ROBO1: variants seen among roughly 807,000 people sequenced by gnomAD.
The protein encoded by ROBO1 is roundabout guidance receptor 1, also known as roundabout homolog 1.
In ROBO1, 149 loss-of-function variants were observed where a neutral mutation model predicts 195.9. The ratio of observed to expected loss-of-function variants is 0.76; its 90% CI spans 0.67 to 0.87. The LOEUF is 0.87. Among genes scored for constraint, ROBO1 ranks in the 40% least tolerant of loss-of-function variants. The probability of loss-of-function intolerance (pLI) is 0.00; values close to 1 mark genes in which losing one functional copy is unlikely to be tolerated. For missense variants in ROBO1, 1,933 were observed against 2,068.3 expected, an observed-to-expected ratio of 0.93 and a Z score of 1.27; for synonymous variants, 816 against 733.2, an observed-to-expected ratio of 1.11 and a Z score of -1.82.
chr3:78,598,835 TG>T lies in ROBO1; in HGVS notation c.*77del. On this transcript the variant is annotated 3_prime_UTR_variant, in exon 31 of 31. Transcript: ENST00000464233. ...CTCTGATTGCACTGAACATTTTATC[TG>T]GCGTCATGTGTCATCTGACAGGAGG... The T allele has an allele frequency of 1.1e-6, 1 of 882,310 alleles. No individual in the cohort carries two copies. Among genetic ancestry groups the T allele is most frequent in the Non-Finnish European group, 1.8e-6 (1 of 567,360 alleles). 54.7% of individuals were successfully genotyped at this position (882,310 alleles called of 1,614,324 possible).
intron 2 of ROBO1, among the ~76,000 whole-genome samples, chr3:79,504,457 C>A (rs375935557): frequency 6.6e-6 from 1 of 152,148 alleles, no homozygotes; most frequent in East Asian, 1.9e-4. Flanking sequence ...AAGGTAGAAT[C>A]TTAAGCCAAA....
At chr3:79,608,680 T>C (rs546237371) in intron 1 of ROBO1, among the ~76,000 whole-genome samples, 2 of 151,932 alleles carry the variant, frequency 1.3e-5, no homozygotes, top group East Asian at 1.9e-4. Flanking sequence ...TTTGGCATCA[T>C]GTAAATAGGG....
chr3:79,137,814 C>G (rs2080441269), intron 2 of ROBO1, among the ~76,000 whole-genome samples: 1 of 152,170 alleles, frequency 6.6e-6, no homozygotes, highest in South Asian at 2.1e-4. Flanking sequence ...CAATCTAACT[C>G]TGGGAACTAG....
At chr3:79,464,227 A>G (rs1937820589) in intron 2 of ROBO1, among the ~76,000 whole-genome samples, 1 of 152,340 alleles carries the variant, frequency 6.6e-6, no homozygotes, top group Non-Finnish European at 1.5e-5. Context: ...TGTTATAAAC[A>G]TCTGTGTAAA....
intron 3 of ROBO1, among the ~76,000 whole-genome samples, chr3:78,963,347 AAAG>A (rs1188581566): frequency 6.6e-6 from 1 of 151,916 alleles, no homozygotes; most frequent in Non-Finnish European, 1.5e-5. Context: ...CTCTCTTCAC[AAAG>A]AAGATGATGC....
intron 15 of ROBO1, among the ~76,000 whole-genome samples, chr3:78,661,616 G>T (rs952090109): frequency 1.2e-4 from 18 of 152,152 alleles, no homozygotes; most frequent in Admixed American, 1.2e-3. Flanking sequence ...ACATCCCTGG[G>T]TCAAGGGGAT....
intron 1 of ROBO1, among the ~76,000 whole-genome samples, chr3:79,682,364 G>A (rs1946975266): frequency 6.7e-6 from 1 of 149,956 alleles, no homozygotes; most frequent in South Asian, 2.1e-4. Context: ...TTCCAAAAAA[G>A]CAAAGGAATT....
At chr3:79,151,883 A>G (rs1317518756) in intron 2 of ROBO1, among the ~76,000 whole-genome samples, 4 of 151,874 alleles carry the variant, frequency 2.6e-5, no homozygotes, top group Non-Finnish European at 2.9e-5. Context: ...AAATGTCACT[A>G]TACCACAAAG....
chr3:78,951,331 T>A (rs867520571), intron 3 of ROBO1, among the ~76,000 whole-genome samples: 2 of 151,986 alleles, frequency 1.3e-5, no homozygotes, highest in African/African-American at 4.8e-5. Flanking sequence ...ATAAAAAGCT[T>A]TCTCTCTTCA....
chr3:78,674,868 C>A (rs892318726), intron 10 of ROBO1, among the ~76,000 whole-genome samples: 3 of 151,898 alleles, frequency 2.0e-5, no homozygotes, highest in African/African-American at 7.3e-5. Flanking sequence ...TACAAAGTTG[C>A]AATTATTAAT....
chr3:79,696,108 T>C (rs1947440654), intron 1 of ROBO1, among the ~76,000 whole-genome samples: 1 of 151,440 alleles, frequency 6.6e-6, no homozygotes, highest in Non-Finnish European at 1.5e-5. Context: ...AGTATATTTA[T>C]GTTTGTGGGA....
intron 5 of ROBO1, among the ~76,000 whole-genome samples, chr3:78,722,340 T>C (rs1389710783): frequency 6.6e-6 from 1 of 152,150 alleles, no homozygotes; most frequent in Non-Finnish European, 1.5e-5. Context: ...GGAGTTTGTT[T>C]ACTCTGTCAA....
At chr3:79,607,104 C>CACACAA (rs1177943137) in intron 1 of ROBO1, among the ~76,000 whole-genome samples, 1 of 149,368 alleles carries the variant, frequency 6.7e-6, no homozygotes, top group Non-Finnish European at 1.5e-5. Flanking sequence ...TGCACACACA[C>CACACAA]ACACACACAC....
At chr3:78,931,236 CTTTTTT>C (rs71127369) in intron 4 of ROBO1, among the ~76,000 whole-genome samples, 2 of 79,208 alleles carry the variant, frequency 2.5e-5, no homozygotes, top group South Asian at 6.0e-4. Context: ...TTCTTTCTTT[CTTTTTT>C]TTTTTTTTTT....
intron 2 of ROBO1, among the ~76,000 whole-genome samples, chr3:79,571,755 G>C (rs1943285537): frequency 6.6e-6 from 1 of 152,010 alleles, no homozygotes; most frequent in Non-Finnish European, 1.5e-5. Flanking sequence ...ATATCTATGT[G>C]AGATAGTCTC....
At chr3:79,222,670 A>G (rs1163216217) in intron 2 of ROBO1, among the ~76,000 whole-genome samples, 2 of 152,060 alleles carry the variant, frequency 1.3e-5, no homozygotes, top group Middle Eastern at 3.4e-3. Context: ...TATTATCAAC[A>G]TAATCCCTAG....
intron 3 of ROBO1, among the ~76,000 whole-genome samples, chr3:78,948,452 CA>C (rs1457722644): frequency 6.6e-6 from 1 of 152,076 alleles, no homozygotes; most frequent in Non-Finnish European, 1.5e-5. Context: ...AGGCCTTTGA[CA>C]AAATTCAACA....
chr3:79,484,641 AT>A (rs1408976532), intron 2 of ROBO1, among the ~76,000 whole-genome samples: 1 of 151,664 alleles, frequency 6.6e-6, no homozygotes, highest in Non-Finnish European at 1.5e-5. Context: ...AAGCCATAAT[AT>A]GCACGTGATA....
intron 2 of ROBO1, among the ~76,000 whole-genome samples, chr3:79,127,610 G>A (rs749230400): frequency 2.0e-5 from 3 of 152,132 alleles, no homozygotes; most frequent in African/African-American, 2.4e-5. Context: ...TTAAATCAGC[G>A]TGTCTACACA....
Sources: gnomAD v4.1 joint callset for allele counts (sites outside exome capture counted in the v4.1 genomes callset) on GRCh38, gnomAD v4.1.1 for gene constraint, MANE v1.5 for transcripts, NCBI Gene and HGNC (gene_info 2026-07-23, HGNC 2026-07-21) for gene names.